Variants in RABGAP1L observed in about 807,000 individuals in gnomAD.
RABGAP1L encodes the protein RAB GTPase activating protein 1 like, also known as rab GTPase-activating protein 1-like.
A neutral mutation model predicts 137.7 loss-of-function variants in RABGAP1L; 63 were observed. That is an observed-to-expected ratio of 0.46 (90% CI 0.37 to 0.56). The LOEUF is 0.56. RABGAP1L is among the 20% of genes least tolerant of loss of function. The probability of loss-of-function intolerance (pLI) is 0.00; values close to 1 mark genes in which losing one functional copy is unlikely to be tolerated. For synonymous variants in RABGAP1L, 431 were observed against 433.7 expected (o/e 0.99, Z 0.08); for missense variants, 1,095 against 1,244.0 (o/e 0.88, Z 1.80).
chr1:174,694,942 G>C (rs1047582766), intron 15 of RABGAP1L, among the ~76,000 whole-genome samples: 1 of 152,114 alleles, frequency 6.6e-6, no homozygotes, highest in Admixed American at 6.5e-5. Context: ...GCATTTCTCT[G>C]ATGGCCAGTG....
intron 1 of RABGAP1L, among the ~76,000 whole-genome samples, chr1:174,171,316 T>C (rs771986940): frequency 3.3e-5 from 5 of 152,176 alleles, no homozygotes; most frequent in Admixed American, 1.3e-4. Context: ...ATTTCTAAAA[T>C]TGTTTATATT....
intron 10 of RABGAP1L, among the ~76,000 whole-genome samples, chr1:174,294,094 C>G (rs1039542274): frequency 6.6e-6 from 1 of 152,056 alleles, no homozygotes; most frequent in Non-Finnish European, 1.5e-5. Context: ...TATAATTATG[C>G]CACCCCAAAA....
chr1:174,987,447 G>T (rs532480332), intron 24 of RABGAP1L, among the ~76,000 whole-genome samples: 2 of 152,322 alleles, frequency 1.3e-5, no homozygotes, highest in East Asian at 3.9e-4. Flanking sequence ...TTACAGGCAT[G>T]AGCCACTGCA....
chr1:174,534,038 G>A (rs773661595), intron 13 of RABGAP1L, among the ~76,000 whole-genome samples: 5 of 152,010 alleles, frequency 3.3e-5, no homozygotes, highest in Admixed American at 6.6e-5. Flanking sequence ...TAGGCTACTA[G>A]TAGTTGAGTT....
intron 13 of RABGAP1L, among the ~76,000 whole-genome samples, chr1:174,584,571 A>G (rs1668976873): frequency 6.6e-6 from 1 of 152,200 alleles, no homozygotes; most frequent in South Asian, 2.1e-4. Flanking sequence ...CAACAGTGAC[A>G]TTTAAAAATT....
At chr1:174,841,411 A>C (rs1693384260) in intron 19 of RABGAP1L, among the ~76,000 whole-genome samples, 1 of 152,138 alleles carries the variant, frequency 6.6e-6, no homozygotes, top group Admixed American at 6.5e-5. Flanking sequence ...CTAAAACAAA[A>C]GCATAATGAA....
At chr1:174,306,524 A>G (rs1327859167) in intron 11 of RABGAP1L, among the ~76,000 whole-genome samples, 1 of 152,198 alleles carries the variant, frequency 6.6e-6, no homozygotes, top group Non-Finnish European at 1.5e-5. Flanking sequence ...AGTGATGATG[A>G]GCATTTTTTC....
chr1:174,173,166 T>C (rs1274861227), intron 1 of RABGAP1L, among the ~76,000 whole-genome samples: 1 of 151,880 alleles, frequency 6.6e-6, no homozygotes, highest in African/African-American at 2.4e-5. Context: ...GTCTCACTCT[T>C]GTTGCCCAGG....
At chr1:174,608,879 C>G (rs1181754042) in intron 13 of RABGAP1L, among the ~76,000 whole-genome samples, 1 of 151,878 alleles carries the variant, frequency 6.6e-6, no homozygotes, top group African/African-American at 2.4e-5. Context: ...GATGGTAGTG[C>G]CAAAAAAGAA....
intron 19 of RABGAP1L, among the ~76,000 whole-genome samples, chr1:174,915,394 T>C (rs1053628823): frequency 6.6e-6 from 1 of 152,172 alleles, no homozygotes; most frequent in Non-Finnish European, 1.5e-5. Context: ...TTTCTAATGG[T>C]GTTGAGCCCC....
rs192305231 is a variant in RABGAP1L at position 174,615,999 on chromosome 1, G to A, written c.1711-21376G>A. On this transcript the variant is annotated intron_variant, in intron 13 of 25. Transcript: ENST00000681986. ...CGTCTGTCACCCCTTTCTTTGGCTA[G>A]CAAAGGGAACTCCCTGACCCCTTGC... Among the ~76,000 whole-genome samples, 298 of 152,218 alleles carry A rather than the reference G, an allele frequency of 2.0e-3. 1 individual carries two copies. The highest frequency in any genetic ancestry group is 6.8e-3 in the African/African-American group (283 of 41,586).
rs1178718753 is a variant in RABGAP1L at position 174,789,498 on chromosome 1, A to G, written c.2212-22334A>G. ...TTACTTATGAAATTGATATAAAATAACTGCCTTGTCATAAGAATGTATAAT... is the reference window on the plus strand; with the variant it reads ...TTACTTATGAAATTGATATAAAATAGCTGCCTTGTCATAAGAATGTATAAT... On this transcript the variant is annotated intron_variant, in intron 18 of 25. Transcript: ENST00000681986. Among the ~76,000 whole-genome samples, 4 of 152,210 alleles carry G rather than the reference A, an allele frequency of 2.6e-5. No individual in the cohort carries two copies. The East Asian group carries it at 7.7e-4, about 29-fold the overall frequency.
intron 1 of RABGAP1L, among the ~76,000 whole-genome samples, chr1:174,195,616 T>TCTTTCTTCCTTCCTTCCTTC (rs1234228992): frequency 1.2e-4 from 7 of 57,676 alleles, no homozygotes; most frequent in East Asian, 6.0e-4. Flanking sequence ...TTTCTTTCTT[T>TCTTTCTTCCTTCCTTCCTTC]CTTCCTTCCT....
Position 174,748,576 on chromosome 1 carries a change from G to A in RABGAP1L, c.2170-3737G>A, listed in dbSNP as rs115695376. ...TTTTATATGTTTTAGGGAAACATAA[G>A]ACATTAATCCATGGCCGAGCACAGT... On this transcript the variant is annotated intron_variant, in intron 17 of 25. Coordinates refer to ENST00000681986, the MANE Select transcript of RABGAP1L (RefSeq NM_001366446.1). 6.5e-3 allele frequency among the ~76,000 whole-genome samples: 989 copies of A among 152,208 alleles called. 8 individuals are homozygous for A. The highest frequency in any genetic ancestry group is 0.012 in the Admixed American group (181 of 15,284).
At chr1:174,345,592 G>T (rs1195690358) in intron 11 of RABGAP1L, among the ~76,000 whole-genome samples, 2 of 152,076 alleles carry the variant, frequency 1.3e-5, no homozygotes, top group Non-Finnish European at 2.9e-5. Flanking sequence ...TTTTTATGTT[G>T]ATTTTTGCAT....
chr1:174,554,367 T>C (rs1372179277), intron 13 of RABGAP1L, among the ~76,000 whole-genome samples: 1 of 152,208 alleles, frequency 6.6e-6, no homozygotes, highest in East Asian at 1.9e-4. Flanking sequence ...TAGAAGTGTT[T>C]CTGGCAATGT....
intron 15 of RABGAP1L, among the ~76,000 whole-genome samples, chr1:174,690,594 T>G (rs1165394211): frequency 6.6e-6 from 1 of 152,196 alleles, no homozygotes; most frequent in Admixed American, 6.5e-5. Context: ...CAGTTTTCTT[T>G]TGGTCCCTGG....
chr1:174,884,419 A>G (rs1654751382), intron 19 of RABGAP1L, among the ~76,000 whole-genome samples: 1 of 152,222 alleles, frequency 6.6e-6, no homozygotes, highest in Non-Finnish European at 1.5e-5. Context: ...TCTTTACTAG[A>G]TATACATTTC....
At chr1:174,651,903 G>A (rs539236508) in intron 14 of RABGAP1L, among the ~76,000 whole-genome samples, 30 of 152,130 alleles carry the variant, frequency 2.0e-4, no homozygotes, top group Non-Finnish European at 3.8e-4. Context: ...TATTTTGCTC[G>A]TTAGTTGATG....
Sources: allele counts gnomAD v4.1 joint callset (sites outside exome capture counted in the v4.1 genomes callset), GRCh38; gene constraint gnomAD v4.1.1; transcripts MANE v1.5; gene names NCBI Gene and HGNC (gene_info 2026-07-23, HGNC 2026-07-21).